The following DLC1 variants were observed in gnomAD, a reference collection of about 807,000 sequenced individuals.
The protein encoded by DLC1 is rho GTPase-activating protein 7.
A neutral mutation model predicts 140.3 loss-of-function variants in DLC1; 54 were observed. That is an observed-to-expected ratio of 0.38 (90% CI 0.31 to 0.48). The LOEUF is 0.48. Ranked by LOEUF, DLC1 falls within the 20% of genes least tolerant of loss-of-function variation. The pLI is 0.96. For synonymous variants in DLC1, 986 were observed against 728.1 expected, an observed-to-expected ratio of 1.35 and a Z score of -5.70; for missense variants, 2,536 against 1,907.0, an observed-to-expected ratio of 1.33 and a Z score of -6.14.
At chr8:13,197,984 C>A (rs1585892344) in intron 5 of DLC1, among the ~76,000 whole-genome samples, 2 of 151,996 alleles carry the variant, frequency 1.3e-5, no homozygotes. Context: ...CAGTAGCTCA[C>A]ACCTGTAATC....
chr8:13,367,305 C>T (rs1433161621), intron 4 of DLC1, among the ~76,000 whole-genome samples: 2 of 152,128 alleles, frequency 1.3e-5, no homozygotes, highest in Non-Finnish European at 2.9e-5. Context: ...CCATCCAGAT[C>T]ATGAACTGTG....
chr8:13,291,029 T>C (rs1423585363), intron 5 of DLC1, among the ~76,000 whole-genome samples: 2 of 152,186 alleles, frequency 1.3e-5, no homozygotes, highest in Non-Finnish European at 2.9e-5. Context: ...AGCCTCAGCC[T>C]CCCAATTAGC....
intron 2 of DLC1, among the ~76,000 whole-genome samples, chr8:13,429,246 C>T (rs1015338335): frequency 6.6e-6 from 1 of 152,110 alleles, no homozygotes; most frequent in Admixed American, 6.5e-5. Flanking sequence ...GAGACCTGGC[C>T]ATTTGCAGTT....
intron 2 of DLC1, among the ~76,000 whole-genome samples, chr8:13,492,767 A>T (rs1055658412): frequency 2.6e-5 from 4 of 152,198 alleles, no homozygotes; most frequent in African/African-American, 4.8e-5. Flanking sequence ...GTTTTCATTT[A>T]TCTTACAATT....
At chr8:13,532,600 G>A (rs998342648) in intron 1 of DLC1, among the ~76,000 whole-genome samples, 3 of 151,682 alleles carry the variant, frequency 2.0e-5, no homozygotes, top group African/African-American at 7.3e-5. Context: ...CTCTCTCTCA[G>A]ATATGTGAGT....
At chr8:13,234,850 A>C (rs1829209725) in intron 5 of DLC1, among the ~76,000 whole-genome samples, 1 of 152,092 alleles carries the variant, frequency 6.6e-6, no homozygotes, top group Non-Finnish European at 1.5e-5. Flanking sequence ...TGTCTTAAGA[A>C]ACAAAACAAA....
chr8:13,569,435 T>A (rs1052145388), intron 1 of DLC1, among the ~76,000 whole-genome samples: 4 of 152,220 alleles, frequency 2.6e-5, no homozygotes, highest in African/African-American at 7.2e-5. Flanking sequence ...CCATTACCAT[T>A]TTCATAATAA....
intron 5 of DLC1, among the ~76,000 whole-genome samples, chr8:13,304,041 G>A (rs534674169): frequency 1.2e-4 from 18 of 152,056 alleles, no homozygotes; most frequent in South Asian, 4.1e-4. Flanking sequence ...TCTGGAATAG[G>A]ATGACAACTT....
chr8:13,325,590 C>G (rs1833306870), intron 4 of DLC1, among the ~76,000 whole-genome samples: 1 of 152,064 alleles, frequency 6.6e-6, no homozygotes, highest in African/African-American at 2.4e-5. Flanking sequence ...AGCATGCTGT[C>G]CAAGAACAAG....
chr8:13,340,401 A>C (rs150966149), intron 4 of DLC1: 9,750 of 152,120 alleles, frequency 0.064, 441 homozygotes, highest in African/African-American at 0.12. Flanking sequence ...GGGTTTCACC[A>C]TGTTGGCCAG....
At chr8:13,509,557 A>G (rs562890202) in intron 1 of DLC1, among the ~76,000 whole-genome samples, 1 of 152,328 alleles carries the variant, frequency 6.6e-6, no homozygotes, top group African/African-American at 2.4e-5. Context: ...ACTTATAATG[A>G]TAATTATAGT....
chr8:13,585,874 C>T (rs1424247798), intron 1 of DLC1, among the ~76,000 whole-genome samples: 1 of 152,158 alleles, frequency 6.6e-6, no homozygotes, highest in African/African-American at 2.4e-5. Flanking sequence ...CAAATACAGT[C>T]ACATTCTGAA....
chr8:13,156,053 A>G (rs1200036784), intron 5 of DLC1, among the ~76,000 whole-genome samples: 1 of 152,130 alleles, frequency 6.6e-6, no homozygotes, highest in Non-Finnish European at 1.5e-5. Flanking sequence ...AAATGTGACA[A>G]TTTATTTTCT....
chr8:13,378,523 A>G (rs1206074016), intron 4 of DLC1, among the ~76,000 whole-genome samples: 1 of 152,088 alleles, frequency 6.6e-6, no homozygotes, highest in Admixed American at 6.6e-5. Context: ...TAAAAATGCA[A>G]TGAAAAAAAC....
At chr8:13,506,034 G>C (rs900133675) in intron 1 of DLC1, among the ~76,000 whole-genome samples, 1 of 144,072 alleles carries the variant, frequency 6.9e-6, no homozygotes, top group Non-Finnish European at 1.6e-5. Flanking sequence ...TGTCCTTTGA[G>C]AATACATGTG....
intron 5 of DLC1, among the ~76,000 whole-genome samples, chr8:13,251,071 C>A (rs1308336254): frequency 6.6e-6 from 1 of 152,186 alleles, no homozygotes; most frequent in African/African-American, 2.4e-5. Flanking sequence ...TGAGGCCTCT[C>A]TCCCTGGCTT....
At chr8:13,269,910 A>G (rs908506334) in intron 5 of DLC1, among the ~76,000 whole-genome samples, 3 of 151,046 alleles carry the variant, frequency 2.0e-5, no homozygotes, top group Admixed American at 6.6e-5. Context: ...ACAAAAAAAA[A>G]AAAAAAATTA....
chr8:13,151,821 A>C (rs879440810), intron 5 of DLC1, among the ~76,000 whole-genome samples: 2 of 152,108 alleles, frequency 1.3e-5, no homozygotes, highest in Non-Finnish European at 2.9e-5. Flanking sequence ...ACTATATTAC[A>C]CCTTTAAAAT....
intron 5 of DLC1, among the ~76,000 whole-genome samples, chr8:13,257,060 T>A (rs979557135): frequency 1.3e-5 from 2 of 152,026 alleles, no homozygotes; most frequent in Non-Finnish European, 2.9e-5. Flanking sequence ...TTGTTTTTAT[T>A]GGAAGATATG....
Sources: allele counts gnomAD v4.1 joint callset (sites outside exome capture counted in the v4.1 genomes callset), GRCh38; gene constraint gnomAD v4.1.1; transcripts MANE v1.5; gene names NCBI Gene and HGNC (gene_info 2026-07-23, HGNC 2026-07-21).